The following CCDC60 variants were observed in gnomAD, a reference collection of about 807,000 sequenced individuals.
CCDC60 encodes coiled-coil domain containing 60.
In CCDC60, 54 loss-of-function variants were observed where a neutral mutation model predicts 63.5. The ratio of observed to expected loss-of-function variants is 0.85; its 90% CI spans 0.68 to 1.07. The LOEUF is 1.07. Among genes scored for constraint, CCDC60 ranks in the 50% least tolerant of loss-of-function variants. The probability of loss-of-function intolerance (pLI) is 0.00; values close to 1 mark genes in which losing one functional copy is unlikely to be tolerated. For missense variants in CCDC60, 651 were observed against 684.3 expected, an observed-to-expected ratio of 0.95 and a Z score of 0.54; for synonymous variants, 206 against 238.8, an observed-to-expected ratio of 0.86 and a Z score of 1.27.
At chr12:119,426,116 G>T (rs151177174) in intron 1 of CCDC60, among the ~76,000 whole-genome samples, 1 of 152,238 alleles carries the variant, frequency 6.6e-6, no homozygotes, top group Non-Finnish European at 1.5e-5. Context: ...CCCTCAAGAT[G>T]AACACTGATG....
At position 119,505,249 on chromosome 12, in the gene CCDC60, A is replaced by G. The variant is rs762950566; in HGVS notation, c.829A>G (p.Ile277Val). ...VNTQVTSSKDIEDNESSSTKP... is the reference protein window; with the variant it reads ...VNTQVTSSKDVEDNESSSTKP... ...CACCCAGGTGACCAGCAGCAAGGAC[A>G]TTGAGGACAATGAGTCATCTTCAAC... The change falls in exon 7 of 14, where the codon ATT (isoleucine) becomes GTT (valine). Residue 277 changes from isoleucine (I) to valine (V), a missense_variant. Coordinates refer to ENST00000327554, the MANE Select transcript of CCDC60 (RefSeq NM_178499.5). 2 of 1,613,270 alleles carry G rather than the reference A, an allele frequency of 1.2e-6. No individual in the cohort carries two copies. The highest frequency in any genetic ancestry group is 1.6e-4 in the Middle Eastern group (1 of 6,084).
intron 2 of CCDC60, among the ~76,000 whole-genome samples, chr12:119,437,981 C>A (rs1356798852): frequency 6.6e-6 from 1 of 152,208 alleles, no homozygotes; most frequent in Non-Finnish European, 1.5e-5. Context: ...AACACTTGAC[C>A]TCATGTTCTT....
intron 2 of CCDC60, among the ~76,000 whole-genome samples, chr12:119,454,495 G>A (rs1190067268): frequency 6.6e-6 from 1 of 152,116 alleles, no homozygotes; most frequent in Non-Finnish European, 1.5e-5. Flanking sequence ...CCCTGGACAC[G>A]CTCAGTGGAG....
Position 119,473,212 on chromosome 12 carries a change from C to G in CCDC60, c.341+1048C>G, listed in dbSNP as rs117022562. Among the ~76,000 whole-genome samples, 1,263 of 152,224 alleles carry G rather than the reference C, an allele frequency of 8.3e-3. 7 individuals carry two copies. Among genetic ancestry groups the G allele is most frequent in the Middle Eastern group, 0.02 (6 of 294 alleles). ...CTGCACCATTTGGCGTGGACAAAAT[C>G]CTGGGATACTTTGAGCTTGTGCAGA... On this transcript the variant is annotated intron_variant, in intron 3 of 13. Coordinates refer to ENST00000327554, the MANE Select transcript of CCDC60 (RefSeq NM_178499.5).
chr12:119,486,256 GT>G (rs1265598650), intron 4 of CCDC60, among the ~76,000 whole-genome samples: 1 of 152,236 alleles, frequency 6.6e-6, no homozygotes, highest in African/African-American at 2.4e-5. Flanking sequence ...CTGAAAAGGG[GT>G]CAGGTGCAAT....
intron 1 of CCDC60, among the ~76,000 whole-genome samples, chr12:119,399,335 T>G (rs1372342445): frequency 1.3e-5 from 2 of 152,186 alleles, no homozygotes; most frequent in African/African-American, 4.8e-5. Context: ...GGGATCCAAC[T>G]TAATTAATCA....
At chr12:119,457,220 G>C (rs974875330) in intron 2 of CCDC60, among the ~76,000 whole-genome samples, 1 of 152,220 alleles carries the variant, frequency 6.6e-6, no homozygotes, top group Non-Finnish European at 1.5e-5. Context: ...GTGCCAGAGA[G>C]AATAAAACTG....
At chr12:119,339,543 G>GA (rs1817175270) in intron 1 of CCDC60, among the ~76,000 whole-genome samples, 1 of 18,810 alleles carries the variant, frequency 5.3e-5, no homozygotes, top group African/African-American at 1.2e-4. Flanking sequence ...TGAACACTTT[G>GA]GGGGGGGCCG....
At chr12:119,529,520 AAGAGTAAGATG>A (rs1461127375) in intron 12 of CCDC60, among the ~76,000 whole-genome samples, 1 of 152,296 alleles carries the variant, frequency 6.6e-6, no homozygotes, top group African/African-American at 2.4e-5. Context: ...ACTAAGATTT[AAGAGTAAGATG>A]AGAAAGTAAA....
chr12:119,340,351 C>G (rs1195442428), intron 1 of CCDC60, among the ~76,000 whole-genome samples: 2 of 152,164 alleles, frequency 1.3e-5, no homozygotes, highest in African/African-American at 4.8e-5. Context: ...ATCCTTTCAA[C>G]AACTCCATAA....
chr12:119,462,122 TG>T (rs1041221063), intron 2 of CCDC60, among the ~76,000 whole-genome samples: 1 of 152,218 alleles, frequency 6.6e-6, no homozygotes, highest in African/African-American at 2.4e-5. Context: ...CCAGAAGATT[TG>T]CTTGCTAGGT....
intron 1 of CCDC60, among the ~76,000 whole-genome samples, chr12:119,399,275 G>C (rs1297315147): frequency 6.6e-6 from 1 of 152,166 alleles, no homozygotes; most frequent in African/African-American, 2.4e-5. Flanking sequence ...TGCTCAAAAG[G>C]AGATGCACCC....
At chr12:119,403,087 G>C (rs1956422579) in intron 1 of CCDC60, among the ~76,000 whole-genome samples, 1 of 152,172 alleles carries the variant, frequency 6.6e-6, no homozygotes, top group Non-Finnish European at 1.5e-5. Flanking sequence ...GCTTTACCAA[G>C]TTGATGGCCA....
intron 2 of CCDC60, among the ~76,000 whole-genome samples, chr12:119,462,739 G>C (rs1400529196): frequency 1.3e-5 from 2 of 152,130 alleles, no homozygotes; most frequent in Non-Finnish European, 2.9e-5. Flanking sequence ...TCCTGCCTCA[G>C]CCTTTCAAGT....
chr12:119,519,619 C>T (rs965459123), intron 8 of CCDC60, among the ~76,000 whole-genome samples: 3 of 151,704 alleles, frequency 2.0e-5, no homozygotes, highest in East Asian at 1.9e-4. Context: ...TGCACCACCA[C>T]ACTCGGCTAA....
At chr12:119,476,993 A>T (rs1325714745) in intron 3 of CCDC60, among the ~76,000 whole-genome samples, 1 of 152,266 alleles carries the variant, frequency 6.6e-6, no homozygotes, top group African/African-American at 2.4e-5. Context: ...AGATAATCAG[A>T]ACTTCTTTCT....
chr12:119,453,350 A>G (rs563729914), intron 2 of CCDC60, among the ~76,000 whole-genome samples: 2 of 152,234 alleles, frequency 1.3e-5, no homozygotes, highest in East Asian at 3.9e-4. Context: ...AAGATCTGAG[A>G]TAGAGATTAA....
chr12:119,365,015 G>A (rs1004383605), intron 1 of CCDC60, among the ~76,000 whole-genome samples: 1 of 152,230 alleles, frequency 6.6e-6, no homozygotes, highest in African/African-American at 2.4e-5. Flanking sequence ...CATCTACACA[G>A]TGAGGCAGAT....
intron 1 of CCDC60, among the ~76,000 whole-genome samples, chr12:119,354,789 G>A (rs1322329521): frequency 6.6e-6 from 1 of 152,222 alleles, no homozygotes; most frequent in Admixed American, 6.5e-5. Context: ...AGAGCACTCA[G>A]ACACTGTCTT....
Sources: gnomAD v4.1 joint callset for allele counts (sites outside exome capture counted in the v4.1 genomes callset) on GRCh38, gnomAD v4.1.1 for gene constraint, MANE v1.5 for transcripts, NCBI Gene and HGNC (gene_info 2026-07-23, HGNC 2026-07-21) for gene names.